Variants in SLC4A4 observed in about 807,000 individuals in gnomAD.
SLC4A4 encodes the protein solute carrier family 4 member 4.
In SLC4A4, 27 loss-of-function variants were observed where a neutral mutation model predicts 111.5. The observed-to-expected ratio is 0.24, with a 90% CI of 0.18 to 0.33. The LOEUF (loss-of-function observed/expected upper bound fraction) is 0.33. SLC4A4 is among the 10% of genes least tolerant of loss of function. SLC4A4 has a pLI of 1.00. For missense variants in SLC4A4, 909 were observed against 1,315.5 expected, an observed-to-expected ratio of 0.69 and a Z score of 4.78; for synonymous variants, 443 against 463.4, an observed-to-expected ratio of 0.96 and a Z score of 0.57.
At chr4:71,212,044 G>A (rs193180078) in intron 1 of SLC4A4, among the ~76,000 whole-genome samples, 3 of 152,328 alleles carry the variant, frequency 2.0e-5, no homozygotes, top group Non-Finnish European at 2.9e-5. Flanking sequence ...CACTGGTTGT[G>A]TGTGAAGACA....
intron 20 of SLC4A4, among the ~76,000 whole-genome samples, chr4:71,551,720 T>C (rs1411678339): frequency 6.6e-6 from 1 of 151,916 alleles, no homozygotes; most frequent in Non-Finnish European, 1.5e-5. Context: ...TTCCATGAGA[T>C]GATCTTCTCC....
At chr4:71,097,126 C>T (rs1025745495) in intron 2 of SLC4A4, among the ~76,000 whole-genome samples, 3 of 152,120 alleles carry the variant, frequency 2.0e-5, no homozygotes, top group African/African-American at 4.8e-5. Flanking sequence ...CACCCAGGTA[C>T]GAGGCCTAGA....
chr4:71,205,800 A>G (rs1717726676), intron 1 of SLC4A4, among the ~76,000 whole-genome samples: 1 of 152,228 alleles, frequency 6.6e-6, no homozygotes, highest in African/African-American at 2.4e-5. Context: ...AGAAAGTGCA[A>G]TGATGCAGTC....
chr4:71,408,475 G>T (rs1721072604), intron 7 of SLC4A4, among the ~76,000 whole-genome samples: 1 of 152,056 alleles, frequency 6.6e-6, no homozygotes, highest in Admixed American at 6.6e-5. Flanking sequence ...AGTAAGATTT[G>T]GTGGGATGAA....
At chr4:71,450,989 A>G (rs1577935771) in intron 10 of SLC4A4, among the ~76,000 whole-genome samples, 199 bp from the exon 11 acceptor site, 2 of 152,324 alleles carry the variant, frequency 1.3e-5, no homozygotes, top group South Asian at 4.1e-4. Flanking sequence ...AGTTCATTCA[A>G]CTTTCCTATT....
intron 13 of SLC4A4, among the ~76,000 whole-genome samples, chr4:71,468,217 G>GA (rs1228824975): frequency 6.6e-6 from 1 of 152,024 alleles, no homozygotes; most frequent in Non-Finnish European, 1.5e-5. Flanking sequence ...TTAGTTTATA[G>GA]AAAGAGTCAA....
chr4:71,419,482 C>T (rs1379444063), intron 7 of SLC4A4, among the ~76,000 whole-genome samples: 3 of 152,214 alleles, frequency 2.0e-5, no homozygotes, highest in Admixed American at 6.5e-5. Context: ...ACTCCGTGGG[C>T]GTAGGACCCT....
chr4:71,350,393 T>A (rs1729714949), intron 5 of SLC4A4, among the ~76,000 whole-genome samples: 1 of 152,002 alleles, frequency 6.6e-6, no homozygotes, highest in African/African-American at 2.4e-5. Flanking sequence ...TATTATTATT[T>A]TTGAGACAGA....
At chr4:71,189,965 G>C (rs766140974) in intron 1 of SLC4A4, among the ~76,000 whole-genome samples, 3 of 152,140 alleles carry the variant, frequency 2.0e-5, no homozygotes, top group Non-Finnish European at 4.4e-5. Flanking sequence ...TGCATGATTT[G>C]ATGGGACAAA....
intron 18 of SLC4A4, among the ~76,000 whole-genome samples, chr4:71,543,277 G>A (rs1171706838): frequency 1.3e-5 from 2 of 152,080 alleles, no homozygotes; most frequent in Non-Finnish European, 2.9e-5. Context: ...AATCCTGTGT[G>A]GCTGCAATGA....
chr4:71,123,224 A>G (rs1017140004), intron 2 of SLC4A4, among the ~76,000 whole-genome samples: 2 of 152,182 alleles, frequency 1.3e-5, no homozygotes, highest in East Asian at 1.9e-4. Flanking sequence ...ATAAAACAAT[A>G]TAAGAGCTAA....
At chr4:71,141,158 TC>T (rs71673461) in intron 2 of SLC4A4, among the ~76,000 whole-genome samples, 1 of 152,166 alleles carries the variant, frequency 6.6e-6, no homozygotes, top group African/African-American at 2.4e-5. Context: ...GATTCTCATC[TC>T]CCCATCCTCC....
chr4:71,267,671 G>A (rs1578714049), intron 3 of SLC4A4, among the ~76,000 whole-genome samples: 1 of 151,630 alleles, frequency 6.6e-6, no homozygotes, highest in East Asian at 1.9e-4. Flanking sequence ...GTGTGTGCCT[G>A]TAGTCCTAGC....
intron 3 of SLC4A4, among the ~76,000 whole-genome samples, chr4:71,320,526 C>A (rs1295760026): frequency 6.6e-6 from 1 of 151,930 alleles, no homozygotes; most frequent in African/African-American, 2.4e-5. Flanking sequence ...TTTTTCCTGC[C>A]CTTCTCACGA....
intron 3 of SLC4A4, among the ~76,000 whole-genome samples, chr4:71,284,627 G>T (rs1723768877): frequency 6.6e-6 from 1 of 152,108 alleles, no homozygotes; most frequent in African/African-American, 2.4e-5. Context: ...TGCTAATAAT[G>T]TTAGATAAAA....
intron 16 of SLC4A4, among the ~76,000 whole-genome samples, chr4:71,513,873 C>T (rs1269070108): frequency 2.6e-5 from 4 of 152,120 alleles, no homozygotes; most frequent in Non-Finnish European, 5.9e-5. Context: ...TGTTTTTCTG[C>T]ATTGATTGAG....
chr4:71,076,464 G>C (rs1013503790), intron 1 of SLC4A4, among the ~76,000 whole-genome samples: 3 of 151,876 alleles, frequency 2.0e-5, no homozygotes, highest in African/African-American at 4.8e-5. Context: ...CCCGGGAGGA[G>C]GAGGTTGCAG....
Position 71,178,395 on chromosome 4 carries a change from C to CA in SLC4A4, c.-1-58175dup, listed in dbSNP as rs144181465. On this transcript the variant is annotated intron_variant, in intron 2 of 26. Coordinates refer to the SLC4A4 transcript ENST00000649996. ...GGAAACAGAGACACAAAAATCCCTT[C>CA]AAAAAATCAATGAATCCAGGAGCTG... Among the ~76,000 whole-genome samples, 7 of 151,942 alleles carry CA rather than the reference C, an allele frequency of 4.6e-5. No homozygotes were observed. In the East Asian group the frequency reaches 7.7e-4, roughly 17 times the overall value.
chr4:71,299,977 G>T (rs1439240444), intron 3 of SLC4A4, among the ~76,000 whole-genome samples: 1 of 152,164 alleles, frequency 6.6e-6, no homozygotes, highest in East Asian at 1.9e-4. Flanking sequence ...TCAGGCCCAG[G>T]TATTGATGTT....
Sources: gnomAD v4.1 joint callset for allele counts (sites outside exome capture counted in the v4.1 genomes callset) on GRCh38, gnomAD v4.1.1 for gene constraint, MANE v1.5 for transcripts, NCBI Gene and HGNC (gene_info 2026-07-23, HGNC 2026-07-21) for gene names.